WDR18: variants seen among roughly 807,000 people sequenced by gnomAD.
WDR18 encodes WD repeat domain 18.
A neutral mutation model predicts 49.6 loss-of-function variants in WDR18; 33 were observed. The observed-to-expected ratio is 0.67, with a 90% confidence interval of 0.50 to 0.89. WDR18 has a LOEUF of 0.89. Among genes scored for constraint, WDR18 ranks in the 40% least tolerant of loss-of-function variants. The pLI is 0.00. For missense variants in WDR18, 653 were observed against 593.6 expected (o/e 1.10, Z -1.04); for synonymous variants, 315 against 263.6 (o/e 1.19, Z -1.89).
At chr19:991,830 C>T (rs978146064) in intron 7 of WDR18, 125 bp from the exon 8 acceptor site, 16 of 952,802 alleles carry the variant, frequency 1.7e-5, no homozygotes, top group African/African-American at 3.2e-5. Flanking sequence ...TGGCTGGGGG[C>T]GTGGACTGGC....
In WDR18 at chr19:990,316, G is replaced by A; in HGVS notation, c.549G>A (p.Gly183=). The stretch of plus-strand genomic sequence containing the variant: ...TCACGGACCTGCACTGCGGCTTTGG[G>A]GGCCCCCTGGCCCGGGTGGCCACCT... ...LPITDLHCGF[G]GPLARVATSS... is the part of the protein sequence containing the mutation. The change falls in exon 4 of 10, where the codon GGG becomes GGA. Residue 183 remains glycine, a synonymous_variant. Transcript: ENST00000585809. 2 of 1,595,676 alleles carry A rather than the reference G, an allele frequency of 1.3e-6. No homozygotes were observed. The highest frequency in any genetic ancestry group is 1.7e-6 in the Non-Finnish European group (2 of 1,177,466).
At chr19:984,629 G>A (rs2038455776) in intron 1 of WDR18, 66 bp downstream of exon 1, 3 of 1,354,196 alleles carry the variant, frequency 2.2e-6, no homozygotes, top group Non-Finnish European at 1.9e-6. Context: ...GGGATGGGTT[G>A]GTGGGGGCCG....
intron 7 of WDR18, 83 bp from the exon 8 acceptor site, chr19:991,872 T>G (rs1172924381): frequency 1.1e-4 from 151 of 1,315,026 alleles, no homozygotes; most frequent in Non-Finnish European, 1.4e-4. Flanking sequence ...GGGCGGGGAC[T>G]GCCCTGGATG....
chr19:994,468 G>A lies in WDR18; in HGVS notation c.*124G>A. ...CTCCTCAGTTCTGTGTCGTGTTCGG[G>A]TTTTTCCTCTGTGACTGGGCCGTCT... On this transcript the variant is annotated 3_prime_UTR_variant, in exon 10 of 10. Transcript: ENST00000585809. 1 of 1,383,588 alleles carries A rather than the reference G, an allele frequency of 7.2e-7. No homozygotes were observed. The highest frequency in any genetic ancestry group is 2.5e-5 in the East Asian group (1 of 39,420). 85.7% of individuals were successfully genotyped at this position (1,383,588 alleles called of 1,614,324 possible). A position where few individuals can be genotyped will look rare whatever the true frequency, so the allele number is the denominator to read the frequency against.
Position 990,379 on chromosome 19 carries a change from C to T in WDR18, c.597+15C>T, listed in dbSNP as rs1240207082. The stretch of plus-strand genomic sequence containing the variant: ...AGACGGTGAAGGTACGCCGCCCCCA[C>T]CCCACCACGGTCCATGAGCGGAGCC... On this transcript the variant is annotated intron_variant, in intron 4 of 9. Coordinates refer to ENST00000585809, the MANE Select transcript of WDR18 (RefSeq NM_024100.4). 2.6e-6 allele frequency: 4 copies of T among 1,526,444 alleles called. No individual in the cohort carries two copies. The highest frequency in any genetic ancestry group is 2.8e-5 in the African/African-American group (2 of 72,242). 94.6% of individuals were successfully genotyped at this position (1,526,444 alleles called of 1,614,324 possible). A position where few individuals can be genotyped will look rare whatever the true frequency, so the allele number is the denominator to read the frequency against.
rs565644753 is a variant in WDR18 at position 984,478 on chromosome 19, G to A, written c.125G>A (p.Arg42His). 89 of 1,575,144 alleles carry A rather than the reference G, an allele frequency of 5.7e-5. No homozygotes were observed. The highest frequency in any genetic ancestry group is 6.9e-5 in the African/African-American group (5 of 72,856). Residue 42 changes from arginine to histidine, a missense_variant, in exon 1 of 10, where the codon CGC becomes CAC. By Grantham distance (29) the Arg-to-His change is conservative (BLOSUM62 0). Transcript: ENST00000585809. ...LTYRGGQAGP[R>H]GLALLNGEYL... ...TACCGCGGCGGCCAGGCGGGACCCCGCGGCCTGGCGCTGCTCAATGGCGAG... is the reference window on the plus strand; with the variant it reads ...TACCGCGGCGGCCAGGCGGGACCCCACGGCCTGGCGCTGCTCAATGGCGAG...
chr19:993,951 G>T (rs1001420949), intron 8 of WDR18, 69 bp from the exon 9 acceptor site: 1 of 1,522,138 alleles, frequency 6.6e-7, no homozygotes, highest in African/African-American at 1.4e-5. Context: ...GCTGGCGGGG[G>T]TGGGATGGGC....
In WDR18 at chr19:990,890, C is replaced by T. The variant is rs776878878; in HGVS notation, c.636C>T (p.Val212=). 9.9e-6 allele frequency: 16 copies of T among 1,612,470 alleles called. No homozygotes were observed. In the South Asian group the frequency reaches 1.5e-4, roughly 15 times the overall value. Residue 212 remains valine (V), a synonymous_variant, in exon 5 of 10, where the codon GTC becomes GTT. Transcript: ENST00000585809. ...CCTCGGGGGAGCTGCTGCTCTCCGT[C>T]CTCTTTGACGTGTCCATCATGGCAG... ...EVSSGELLLS[V]LFDVSIMAVT... is the part of the protein sequence containing the mutation.
rs2038543202 is a variant in WDR18, at chr19:991,286, A to C, written c.866A>C (p.His289Pro). 6 of 1,566,152 alleles carry C rather than the reference A, an allele frequency of 3.8e-6. No individual in the cohort carries two copies. The highest frequency in any genetic ancestry group is 1.4e-5 in the African/African-American group (1 of 73,782). The change falls in exon 7 of 10, where the codon CAC becomes CCC. Residue 289 changes from histidine to proline, a missense_variant. By Grantham distance (77) the His-to-Pro change is moderately conservative. Transcript: ENST00000585809. The part of the protein sequence containing the change: ...TDGSVLLSGS[H>P]DETVRLWDVQ... ...GGCAGCGTGCTGCTCTCAGGCTCCC[A>C]CGACGAGACCGTGCGCCTCTGGGAC...
chr19:992,161 C>G, intron 8 of WDR18, 40 bp downstream of exon 8: 1 of 1,408,564 alleles, frequency 7.1e-7, no homozygotes, highest in Non-Finnish European at 9.2e-7. Flanking sequence ...CCCTTTTGTC[C>G]CGGAAGACCC....
In WDR18 at chr19:990,885, T is replaced by A. The variant is rs2038536036; in HGVS notation, c.631T>A (p.Ser211Thr). The change falls in exon 5 of 10, where the codon TCC (serine) becomes ACC (threonine). Residue 211 changes from serine (S) to threonine (T), a missense_variant. Ser to Thr is a moderately conservative substitution (Grantham distance 58). Coordinates refer to ENST00000585809, the MANE Select transcript of WDR18 (RefSeq NM_024100.4). ...WEVSSGELLL[S>T]VLFDVSIMAV... ...GGTCTCCTCGGGGGAGCTGCTGCTC[T>A]CCGTCCTCTTTGACGTGTCCATCAT... 3 of 1,612,194 alleles carry A rather than the reference T, an allele frequency of 1.9e-6. No homozygotes were observed. Among genetic ancestry groups the A allele is most frequent in the Non-Finnish European group, 2.5e-6 (3 of 1,179,642 alleles).
rs751777303 is a variant in WDR18 at position 991,959 on chromosome 19, A to T, written c.936A>T (p.Pro312=). Residue 312 remains proline, a synonymous_variant, in exon 8 of 10, where the codon CCA becomes CCT. Coordinates refer to ENST00000585809, the MANE Select transcript of WDR18 (RefSeq NM_024100.4). The part of the protein sequence containing the change: ...QCIRTVALKG[P]VTNAAILLAP... The stretch of plus-strand genomic sequence containing the variant: ...CCTGACCTCCGCGCCCCCCAGGCCC[A>T]GTCACCAATGCCGCCATCCTGCTGG... 1 of 1,586,666 alleles carries T rather than the reference A, an allele frequency of 6.3e-7. No individual in the cohort carries two copies. Among genetic ancestry groups the T allele is most frequent in the South Asian group, 1.1e-5 (1 of 88,946 alleles).
At chr19:992,368 C>G (rs2038571106) in intron 8 of WDR18, among the ~76,000 whole-genome samples, 1 of 152,236 alleles carries the variant, frequency 6.6e-6, no homozygotes, top group African/African-American at 2.4e-5. Flanking sequence ...GAGCTGCACG[C>G]CCCACACACC....
At chr19:987,500 C>T (rs965033057) in intron 2 of WDR18, among the ~76,000 whole-genome samples, 11 of 152,286 alleles carry the variant, frequency 7.2e-5, no homozygotes, top group African/African-American at 2.4e-4. Context: ...TGGGCTCAAG[C>T]GATCCTCCCA....
intron 2 of WDR18, among the ~76,000 whole-genome samples, chr19:988,853 G>GC (rs1415559962): frequency 6.6e-6 from 1 of 152,136 alleles, no homozygotes; most frequent in Non-Finnish European, 1.5e-5. Context: ...ATGGATGGAT[G>GC]CCCCCGCTCC....
At chr19:986,624 A>G (rs10424738) in intron 2 of WDR18, among the ~76,000 whole-genome samples, 95,991 of 151,932 alleles carry the variant, frequency 0.63, 30,924 homozygotes, top group Non-Finnish European at 0.7. Context: ...TCCTAGACAC[A>G]CTCACAGCCC....
At position 989,666 on chromosome 19, in the gene WDR18, C is replaced by T; in HGVS notation, c.322-96C>T. 7.1e-6 allele frequency: 11 copies of T among 1,540,928 alleles called. No homozygotes were observed. The South Asian group carries it at 1.2e-4, about 17-fold the overall frequency. On this transcript the variant is annotated intron_variant, in intron 2 of 9. Transcript: ENST00000585809. ...GGGCAGGCAGGGGGCGACAGTGTGG[C>T]CATGGCCGTGCAGTGGTGGGTTCCT...
chr19:990,244 C>T lies in WDR18; in HGVS notation c.477C>T (p.Ser159=). 1 of 1,598,674 alleles carries T rather than the reference C, an allele frequency of 6.3e-7. No homozygotes were observed. The highest frequency in any genetic ancestry group is 2.2e-5 in the East Asian group (1 of 44,848). The part of the protein sequence containing the change: ...SLCSVLQADP[S]RIPAPRHVWS... ...TCAGCGTGCTGCAGGCCGACCCCTC[C>T]AGGATTCCGGCGCCCAGGCACGTCT... The change falls in exon 4 of 10, where the codon TCC becomes TCT. Residue 159 remains serine (S), a synonymous_variant. Transcript: ENST00000585809.
chr19:993,120 G>A (rs1209866669), intron 8 of WDR18, among the ~76,000 whole-genome samples: 2 of 152,246 alleles, frequency 1.3e-5, no homozygotes, highest in Admixed American at 6.5e-5. Context: ...CTGCAAGGAG[G>A]CCAGGAGCAC....
Sources: allele counts gnomAD v4.1 joint callset (sites outside exome capture counted in the v4.1 genomes callset), GRCh38; gene constraint gnomAD v4.1.1; transcripts MANE v1.5; gene names NCBI Gene and HGNC (gene_info 2026-07-23, HGNC 2026-07-21).